FHIT: variants seen among roughly 807,000 people sequenced by gnomAD.
The protein encoded by FHIT is fragile histidine triad diadenosine triphosphatase, also known as bis(5'-adenosyl)-triphosphatase.
FHIT carries 19 observed loss-of-function variants against 17.9 expected under a neutral mutation model. The ratio of observed to expected loss-of-function variants is 1.06; its 90% CI spans 0.74 to 1.56. FHIT has a LOEUF of 1.56. Ranked by LOEUF, FHIT falls within the 40% of genes most tolerant of loss-of-function variation. The pLI is 0.00. For synonymous variants in FHIT, 81 were observed against 69.7 expected (o/e 1.16, Z -0.81); for missense variants, 248 against 189.2 (o/e 1.31, Z -1.82).
At position 59,923,087 on chromosome 3, in the gene FHIT, G is replaced by A. The variant is rs144946833; in HGVS notation, c.280-673C>T. On this transcript the variant is annotated intron_variant, in intron 7 of 9. Coordinates refer to ENST00000492590, the MANE Select transcript of FHIT (RefSeq NM_002012.4). ...ATCCTGGCCAACACGGTGAAACTCC[G>A]TCTCTACTAAAACTACAAAAACAAA... 9.3e-3 allele frequency among the ~76,000 whole-genome samples: 1,418 copies of A among 151,790 alleles called. 27 individuals carry two copies. The highest frequency in any genetic ancestry group is 0.032 in the African/African-American group (1,337 of 41,370).
chr3:60,626,346 C>T (rs2039284884), intron 4 of FHIT, among the ~76,000 whole-genome samples: 1 of 152,136 alleles, frequency 6.6e-6, no homozygotes, highest in African/African-American at 2.4e-5. Context: ...CTTCCAATCC[C>T]CAAACATAAA....
chr3:60,648,469 T>A (rs1553687378), intron 4 of FHIT, among the ~76,000 whole-genome samples: 1 of 151,640 alleles, frequency 6.6e-6, no homozygotes, highest in East Asian at 1.9e-4. Context: ...GTGTAGCAGG[T>A]GGGCAGTCTA....
chr3:60,006,944 C>T (rs1699949086), intron 7 of FHIT, among the ~76,000 whole-genome samples: 1 of 152,092 alleles, frequency 6.6e-6, no homozygotes, highest in Non-Finnish European at 1.5e-5. Flanking sequence ...AAATAATTAT[C>T]TTCTTCTTCT....
chr3:60,614,735 G>A (rs1308766813), intron 4 of FHIT, among the ~76,000 whole-genome samples: 1 of 151,026 alleles, frequency 6.6e-6, no homozygotes, highest in African/African-American at 2.4e-5. Context: ...ACCTGAAGGT[G>A]AACCCCATCG....
chr3:60,305,683 C>A (rs570470412), intron 5 of FHIT, among the ~76,000 whole-genome samples: 1 of 152,082 alleles, frequency 6.6e-6, no homozygotes, highest in East Asian at 1.9e-4. Context: ...TATTTACATA[C>A]ATTAGAGAAG....
chr3:60,844,218 G>T (rs1426380341), intron 3 of FHIT, among the ~76,000 whole-genome samples: 1 of 152,100 alleles, frequency 6.6e-6, no homozygotes, highest in Non-Finnish European at 1.5e-5. Flanking sequence ...CAGGAGAAAA[G>T]TTTATTGATT....
intron 2 of FHIT, among the ~76,000 whole-genome samples, chr3:61,133,694 C>G (rs1036904531): frequency 1.3e-5 from 2 of 151,976 alleles, no homozygotes; most frequent in African/African-American, 4.8e-5. Context: ...CTGAAGAAAG[C>G]CAGAGGTAGA....
At chr3:60,861,476 C>A (rs1259837214) in intron 3 of FHIT, among the ~76,000 whole-genome samples, 1 of 151,026 alleles carries the variant, frequency 6.6e-6, no homozygotes, top group Admixed American at 6.6e-5. Flanking sequence ...AGTAACCTCT[C>A]CAGTAGCCAT....
chr3:59,971,313 T>G (rs532796592), intron 7 of FHIT, among the ~76,000 whole-genome samples: 35 of 152,246 alleles, frequency 2.3e-4, no homozygotes, highest in African/African-American at 7.9e-4. Context: ...TTCTCAAAAA[T>G]GTGAACACAC....
rs142640409 is a variant in FHIT, at chr3:59,843,726, T to A, written c.348+78620A>T. ...ATGCAATGTATTTTTGTTTGTTGAC[T>A]TTGTGTCTTATTGCTTTGTTGAATT... is the stretch of plus-strand genomic sequence containing the variant. On this transcript the variant is annotated intron_variant, in intron 8 of 9. Coordinates refer to ENST00000492590, the MANE Select transcript of FHIT (RefSeq NM_002012.4). Among the ~76,000 whole-genome samples, 57 of 152,306 alleles carry A rather than the reference T, an allele frequency of 3.7e-4. 1 individual carries two copies. The highest frequency in any genetic ancestry group is 1.2e-3 in the African/African-American group (51 of 41,576).
At chr3:60,055,228 G>A (rs1001959633) in intron 5 of FHIT, among the ~76,000 whole-genome samples, 1 of 152,078 alleles carries the variant, frequency 6.6e-6, no homozygotes, top group Admixed American at 6.5e-5. Flanking sequence ...GGTTCTTCAG[G>A]AGGGATTTCA....
At chr3:60,909,419 T>C (rs1225873255) in intron 3 of FHIT, among the ~76,000 whole-genome samples, 2 of 150,954 alleles carry the variant, frequency 1.3e-5, no homozygotes, top group African/African-American at 2.4e-5. Context: ...GCAGCTGCCA[T>C]ACAGAATGAG....
chr3:60,326,355 C>T (rs1020491991), intron 5 of FHIT, among the ~76,000 whole-genome samples: 1 of 152,104 alleles, frequency 6.6e-6, no homozygotes, highest in Non-Finnish European at 1.5e-5. Context: ...GACAGATCAT[C>T]AGGCATTAGG....
intron 5 of FHIT, among the ~76,000 whole-genome samples, chr3:60,448,049 C>A (rs1456339099): frequency 6.6e-6 from 1 of 152,126 alleles, no homozygotes; most frequent in Non-Finnish European, 1.5e-5. Context: ...CAGGGGCCCT[C>A]TATTATGTAG....
intron 5 of FHIT, among the ~76,000 whole-genome samples, chr3:60,131,028 CATATGTGTATATATACACAT>C (rs1559661488): frequency 2.2e-4 from 25 of 111,756 alleles, no homozygotes; most frequent in East Asian, 1.0e-3. Context: ...CACATATATA[CATATGTGTATATATACACAT>C]ATATACATAC....
At chr3:59,892,600 G>A (rs1703902594) in intron 8 of FHIT, among the ~76,000 whole-genome samples, 1 of 152,154 alleles carries the variant, frequency 6.6e-6, no homozygotes, top group South Asian at 2.1e-4. Flanking sequence ...CGAGAAACAA[G>A]ATTACAAAGT....
rs146031289 is a variant in FHIT at position 60,172,145 on chromosome 3, A to C, written c.104-157993T>G. Among the ~76,000 whole-genome samples the C allele has an allele frequency of 2.7e-3, 405 of 152,312 alleles. 1 individual carries two copies. Among genetic ancestry groups the C allele is most frequent in the African/African-American group, 9.4e-3 (391 of 41,572 alleles). On this transcript the variant is annotated intron_variant, in intron 5 of 9. Transcript: ENST00000492590. The stretch of plus-strand genomic sequence containing the variant: ...AAAAGGCGCATGGCTCTTCAAATAC[A>C]AGTAACAGAGGAATGAAACTGAGCT...
rs76988713 is a variant in FHIT at position 60,590,940 on chromosome 3, G to C, written c.-17-53961C>G. Among the ~76,000 whole-genome samples, 728 of 152,128 alleles carry C rather than the reference G, an allele frequency of 4.8e-3. 7 individuals carry two copies. Among genetic ancestry groups the C allele is most frequent in the African/African-American group, 0.017 (690 of 41,528 alleles). Reference sequence around the variant, plus strand: ...AGCAAACTGATATGATTTCCAAGAAGGATTCATCCAGGGGGGAAAAATGGA... The same window carrying C: ...AGCAAACTGATATGATTTCCAAGAACGATTCATCCAGGGGGGAAAAATGGA... On this transcript the variant is annotated intron_variant, in intron 4 of 9. Coordinates refer to ENST00000492590, the MANE Select transcript of FHIT (RefSeq NM_002012.4).
intron 3 of FHIT, among the ~76,000 whole-genome samples, chr3:60,966,796 A>C (rs1709765381): frequency 6.6e-6 from 1 of 152,242 alleles, no homozygotes; most frequent in East Asian, 1.9e-4. Flanking sequence ...AAAATGTGAC[A>C]AATCTGAGAG....
Sources: allele counts gnomAD v4.1 joint callset (sites outside exome capture counted in the v4.1 genomes callset), GRCh38; gene constraint gnomAD v4.1.1; transcripts MANE v1.5; gene names NCBI Gene and HGNC (gene_info 2026-07-23, HGNC 2026-07-21).